ROCK1: variants seen among roughly 807,000 people sequenced by gnomAD.
The protein encoded by ROCK1 is rho-associated protein kinase 1.
Under a neutral mutation model 196.8 loss-of-function variants are expected in ROCK1, and 36 were observed. The observed-to-expected ratio is 0.18, with a 90% confidence interval of 0.14 to 0.24. The LOEUF is 0.24. ROCK1 is among the 10% of genes least tolerant of loss of function. The pLI, the probability that ROCK1 is intolerant of heterozygous loss-of-function variation, is 1.00. For synonymous variants in ROCK1, 443 were observed against 515.9 expected (o/e 0.86, Z 1.91); for missense variants, 920 against 1,562.0 (o/e 0.59, Z 6.93).
chr18:21,044,505 T>TA, intron 5 of ROCK1, among the ~76,000 whole-genome samples: 1 of 151,946 alleles, frequency 6.6e-6, no homozygotes, highest in Non-Finnish European at 1.5e-5. Flanking sequence ...ATTAGATAGG[T>TA]AAGTACATAA....
intron 22 of ROCK1, among the ~76,000 whole-genome samples, chr18:20,977,443 G>A (rs928535447): frequency 1.3e-5 from 2 of 152,024 alleles, no homozygotes; most frequent in Non-Finnish European, 2.9e-5. Context: ...CCCATTCCCT[G>A]GCTAATTCTA....
At chr18:21,071,030 A>C (rs1038269277) in intron 1 of ROCK1, among the ~76,000 whole-genome samples, 1 of 152,162 alleles carries the variant, frequency 6.6e-6, no homozygotes, top group African/African-American at 2.4e-5. Flanking sequence ...GTTTAATATA[A>C]AATAAATACT....
chr18:21,020,504 T>C (rs924150142), intron 11 of ROCK1, among the ~76,000 whole-genome samples: 1 of 152,108 alleles, frequency 6.6e-6, no homozygotes, highest in African/African-American at 2.4e-5. Flanking sequence ...CAAAGTTAAA[T>C]TGGAAGAGAA....
intron 13 of ROCK1, among the ~76,000 whole-genome samples, chr18:21,012,512 T>G (rs2035827718): frequency 6.6e-6 from 1 of 152,216 alleles, no homozygotes; most frequent in African/African-American, 2.4e-5. Context: ...CAGCTGTCAC[T>G]TACACTGTTG....
chr18:21,034,017 G>C (rs1319255278), intron 9 of ROCK1, among the ~76,000 whole-genome samples: 1 of 138,422 alleles, frequency 7.2e-6, no homozygotes, highest in Admixed American at 7.6e-5. Flanking sequence ...CTGGGCGACA[G>C]AGCGAGACTC....
At chr18:21,022,412 G>T (rs1176411117) in intron 11 of ROCK1, among the ~76,000 whole-genome samples, 1 of 151,984 alleles carries the variant, frequency 6.6e-6, no homozygotes, top group Non-Finnish European at 1.5e-5. Flanking sequence ...TAACTATACT[G>T]GTTATTCTCC....
At chr18:21,022,190 G>T (rs1205572372) in intron 11 of ROCK1, among the ~76,000 whole-genome samples, 2 of 152,040 alleles carry the variant, frequency 1.3e-5, no homozygotes, top group Non-Finnish European at 2.9e-5. Flanking sequence ...TAGACAAAAA[G>T]TTCAAAGAAT....
chr18:21,080,935 A>C (rs1232057223), intron 1 of ROCK1, among the ~76,000 whole-genome samples: 1 of 152,146 alleles, frequency 6.6e-6, no homozygotes, highest in Non-Finnish European at 1.5e-5. Flanking sequence ...TCAATAATCC[A>C]TTTTCAGTAA....
At position 20,970,503 on chromosome 18, in the gene ROCK1, C is replaced by A; in HGVS notation, c.2665G>T (p.Ala889Ser). The A allele has an allele frequency of 6.3e-7, 1 of 1,597,908 alleles. No homozygotes were observed. ...GTTTCTGCTAGATCCAACTGAGTAG[C>A]AAGAGTTTCTCTGCAACAATTTTTT... ...QELQNEKETLATQLDLAETKA... is the reference protein window; with the variant it reads ...QELQNEKETLSTQLDLAETKA... Residue 889 changes from alanine (A) to serine (S), a missense_variant, in exon 23 of 33, where the codon GCT becomes TCT. By Grantham distance (99) the Ala-to-Ser change is moderately conservative (BLOSUM62 1). Coordinates refer to ENST00000399799, the MANE Select transcript of ROCK1 (RefSeq NM_005406.3).
chr18:21,024,883 G>A (rs1441567526), intron 10 of ROCK1, among the ~76,000 whole-genome samples: 2 of 152,182 alleles, frequency 1.3e-5, no homozygotes, highest in African/African-American at 2.4e-5. Context: ...TAGGTGTGGT[G>A]CAATTTAATT....
chr18:21,082,296 A>G (rs1473890474), intron 1 of ROCK1, among the ~76,000 whole-genome samples: 1 of 152,220 alleles, frequency 6.6e-6, no homozygotes, highest in African/African-American at 2.4e-5. Context: ...AACTCTTTCA[A>G]AAAACTGAAG....
At chr18:20,977,257 T>C (rs1422313199) in intron 22 of ROCK1, among the ~76,000 whole-genome samples, 3 of 152,152 alleles carry the variant, frequency 2.0e-5, no homozygotes, top group Admixed American at 6.5e-5. Context: ...TAGACAACAA[T>C]AGAAGAAACA....
chr18:21,015,761 C>T (rs1364887709), intron 12 of ROCK1, among the ~76,000 whole-genome samples: 1 of 151,464 alleles, frequency 6.6e-6, no homozygotes, highest in East Asian at 1.9e-4. Flanking sequence ...CATCTGAGGT[C>T]AGGAGTTCGA....
intron 8 of ROCK1, among the ~76,000 whole-genome samples, chr18:21,040,091 AACACCC>A (rs2036092353): frequency 6.6e-6 from 1 of 152,122 alleles, no homozygotes; most frequent in Admixed American, 6.5e-5. Flanking sequence ...AACTACAAAA[AACACCC>A]ATGACTTTTC....
intron 16 of ROCK1, among the ~76,000 whole-genome samples, chr18:21,001,105 T>C (rs1418376898): frequency 1.3e-5 from 2 of 152,180 alleles, no homozygotes; most frequent in Non-Finnish European, 2.9e-5. Context: ...CACAAATGAA[T>C]GAACTACTGA....
chr18:20,979,519 G>T (rs1181479979), intron 22 of ROCK1, among the ~76,000 whole-genome samples: 2 of 152,040 alleles, frequency 1.3e-5, no homozygotes, highest in African/African-American at 4.8e-5. Flanking sequence ...CTACTCAGGA[G>T]GCTGAGGCAG....
chr18:20,966,139 C>A (rs922839702), intron 27 of ROCK1, among the ~76,000 whole-genome samples: 1 of 152,116 alleles, frequency 6.6e-6, no homozygotes, highest in African/African-American at 2.4e-5. Context: ...AGACTCTGAA[C>A]TAAGACTCTG....
intron 1 of ROCK1, among the ~76,000 whole-genome samples, chr18:21,084,915 C>A (rs1055983881): frequency 8.5e-5 from 13 of 152,054 alleles, no homozygotes; most frequent in Non-Finnish European, 1.9e-4. Flanking sequence ...TATTATTCAG[C>A]CTTAAAAAAG....
At chr18:20,991,661 G>A (rs2035627483) in intron 17 of ROCK1, among the ~76,000 whole-genome samples, 1 of 151,438 alleles carries the variant, frequency 6.6e-6, no homozygotes. Context: ...AAGAGATGAG[G>A]TCTCACTCTG....
Sources: allele counts gnomAD v4.1 joint callset (sites outside exome capture counted in the v4.1 genomes callset), GRCh38; gene constraint gnomAD v4.1.1; transcripts MANE v1.5; gene names NCBI Gene and HGNC (gene_info 2026-07-23, HGNC 2026-07-21).